The following UPF2 variants were observed in gnomAD, a reference collection of about 807,000 sequenced individuals.
The protein encoded by UPF2 is regulator of nonsense transcripts 2.
In UPF2, 17 loss-of-function variants were observed where a neutral mutation model predicts 141.4. The ratio of observed to expected loss-of-function variants is 0.12; its 90% CI spans 0.08 to 0.18. UPF2 has a LOEUF of 0.18. Among genes scored for constraint, UPF2 ranks in the 10% least tolerant of loss-of-function variants. UPF2 has a pLI of 1.00. For missense variants in UPF2, 1,152 were observed against 1,515.9 expected (o/e 0.76, Z 3.99); for synonymous variants, 540 against 498.0 (o/e 1.08, Z -1.12).
intron 4 of UPF2, among the ~76,000 whole-genome samples, chr10:12,010,989 A>AT (rs945713616): frequency 1.3e-5 from 2 of 151,866 alleles, no homozygotes; most frequent in African/African-American, 4.8e-5. Context: ...TGAAAAAAAA[A>AT]TTTTTTTTAA....
At chr10:11,985,920 T>C (rs1053472203) in intron 8 of UPF2, among the ~76,000 whole-genome samples, 3 of 92,598 alleles carry the variant, frequency 3.2e-5, no homozygotes, top group Non-Finnish European at 5.5e-5. Context: ...AATCTCGCTG[T>C]GTCGCCCAGG....
intron 9 of UPF2, among the ~76,000 whole-genome samples, chr10:11,970,645 C>G (rs1442009688): frequency 1.3e-5 from 2 of 151,924 alleles, no homozygotes; most frequent in East Asian, 1.9e-4. Flanking sequence ...AACCCTGTCT[C>G]TACTAAAAAT....
intron 3 of UPF2, among the ~76,000 whole-genome samples, chr10:12,024,951 A>C (rs1327352660): frequency 2.7e-5 from 4 of 150,340 alleles, no homozygotes; most frequent in African/African-American, 7.3e-5. Context: ...AAAAAAAAAA[A>C]AAAAAACACA....
At chr10:12,035,511 T>C in intron 1 of UPF2, 70 bp from the exon 2 acceptor site, 5 of 1,441,226 alleles carry the variant, frequency 3.5e-6, no homozygotes, top group Non-Finnish European at 4.5e-6. Context: ...ACTATTTTTT[T>C]AAACAGAACA....
chr10:11,948,369 CTCT>C lies in UPF2; in HGVS notation c.3171_3173del (p.Glu1059del), dbSNP rs1833031192. 4 of 1,576,516 alleles carry C rather than the reference CTCT, an allele frequency of 2.5e-6. No individual in the cohort carries two copies. Among genetic ancestry groups the C allele is most frequent in the Non-Finnish European group, 3.5e-6 (4 of 1,158,722 alleles). On this transcript the variant is annotated inframe_deletion and splice_region_variant, in exon 16 of 22. Transcript: ENST00000357604. The stretch of plus-strand genomic sequence containing the variant: ...TGTTGCTACATATAAAAGTCATCAC[CTCT>C]TCTTCTGGCTCATTTACTTCACTTT...
chr10:12,008,396 C>T (rs1298823115), intron 4 of UPF2, among the ~76,000 whole-genome samples: 1 of 151,816 alleles, frequency 6.6e-6, no homozygotes, highest in Non-Finnish European at 1.5e-5. Flanking sequence ...CTGGGGAGGC[C>T]GAGGTGGGCA....
In UPF2 at chr10:11,942,696, G is replaced by A. The variant is rs1832951126; in HGVS notation, c.3347C>T (p.Ala1116Val). 1 of 1,613,836 alleles carries A rather than the reference G, an allele frequency of 6.2e-7. No homozygotes were observed. Among genetic ancestry groups the A allele is most frequent in the Non-Finnish European group, 8.5e-7 (1 of 1,179,952 alleles). The change falls in exon 18 of 22, where the codon GCT becomes GTT. Residue 1116 changes from alanine to valine, a missense_variant. Coordinates refer to ENST00000357604, the MANE Select transcript of UPF2 (RefSeq NM_015542.4). ...PCVEDEDFIQ[A>V]LDKMMLENLQ... ...ATTTTCTAGCATCATTTTATCCAGA[G>A]CTTGAATGAAGTCCTCATCTTCTAC...
intron 8 of UPF2, among the ~76,000 whole-genome samples, chr10:11,991,963 T>C (rs1422910382): frequency 6.6e-6 from 1 of 152,088 alleles, no homozygotes; most frequent in Non-Finnish European, 1.5e-5. Context: ...CTGGCCAACA[T>C]GATGAAACCC....
At chr10:12,040,304 C>A (rs1039563195) in intron 1 of UPF2, among the ~76,000 whole-genome samples, 1 of 152,122 alleles carries the variant, frequency 6.6e-6, no homozygotes, top group Non-Finnish European at 1.5e-5. Flanking sequence ...CGCCTGTAGT[C>A]CCAGCTACTC....
chr10:11,943,258 A>G (rs1025600867), intron 16 of UPF2, 90 bp from the exon 17 acceptor site: 3 of 1,121,644 alleles, frequency 2.7e-6, no homozygotes, highest in Non-Finnish European at 3.9e-6. Flanking sequence ...ACTTCTGTAT[A>G]ATTGTTTATT....
At position 11,921,430 on chromosome 10, in the gene UPF2, C is replaced by A; in HGVS notation, c.3810-123G>T. ...TCCCCCAAGTTACAGGTGGCCCTGG[C>A]ATCTGCGGGTTCCACATCCATGGAC... On this transcript the variant is annotated intron_variant, in intron 21 of 21. Transcript: ENST00000357604. This position sits in a 1 kb window ranked among gnomAD's most constrained non-coding sequence, Gnocchi z 5.9. 2 of 1,204,618 alleles carry A rather than the reference C, an allele frequency of 1.7e-6. No individual in the cohort carries two copies. The highest frequency in any genetic ancestry group is 4.0e-5 in the Admixed American group (2 of 50,416). 74.6% of individuals were successfully genotyped at this position (1,204,618 alleles called of 1,614,324 possible).
At chr10:12,025,795 C>T (rs1348797533) in intron 3 of UPF2, among the ~76,000 whole-genome samples, 1 of 152,044 alleles carries the variant, frequency 6.6e-6, no homozygotes, top group Admixed American at 6.6e-5. Context: ...AAGATAAGCA[C>T]TATTCAGTTT....
chr10:11,921,607 T>C lies in UPF2; in HGVS notation c.3810-300A>G, dbSNP rs1470321923. On this transcript the variant is annotated intron_variant, in intron 21 of 21. Transcript: ENST00000357604. This position sits in a 1 kb window ranked among gnomAD's most constrained non-coding sequence, Gnocchi z 5.9. Reference sequence around the variant, plus strand: ...TGTAAAGTACACGGGAGGATGTGCATATGTTATACATAAATGCTACACCAT... The same window carrying C: ...TGTAAAGTACACGGGAGGATGTGCACATGTTATACATAAATGCTACACCAT... Among the ~76,000 whole-genome samples, 1 of 152,248 alleles carries C rather than the reference T, an allele frequency of 6.6e-6. No homozygotes were observed. Among genetic ancestry groups the C allele is most frequent in the East Asian group, 1.9e-4 (1 of 5,200 alleles).
rs984983044 is a variant in UPF2, at chr10:11,992,908, G to A, written c.1844+4764C>T. ...TCACACTTGTAATCCCAGCACTTTGGGAGGCCAAGGCGAGTGAATCACTTG... is the reference window on the plus strand; with the variant it reads ...TCACACTTGTAATCCCAGCACTTTGAGAGGCCAAGGCGAGTGAATCACTTG... On this transcript the variant is annotated intron_variant, in intron 8 of 21. Transcript: ENST00000357604. The surrounding 1 kb of genome is among the most constrained non-coding windows in gnomAD (Gnocchi z 4.1). 6.6e-6 allele frequency among the ~76,000 whole-genome samples: 1 copy of A among 152,154 alleles called. No individual in the cohort carries two copies. The highest frequency in any genetic ancestry group is 1.5e-5 in the Non-Finnish European group (1 of 68,016).
chr10:12,001,914 G>T, intron 5 of UPF2, 89 bp from the exon 6 acceptor site: 12 of 1,242,922 alleles, frequency 9.7e-6, no homozygotes, highest in Non-Finnish European at 1.2e-5. Flanking sequence ...AAAATCTGCA[G>T]GTTCTTTTAG....
intron 3 of UPF2, among the ~76,000 whole-genome samples, chr10:12,018,763 GAATA>G (rs1341666495): frequency 6.6e-6 from 1 of 151,770 alleles, no homozygotes; most frequent in Non-Finnish European, 1.5e-5. Context: ...AAAAATAAAT[GAATA>G]AATAAATAAA....
intron 16 of UPF2, among the ~76,000 whole-genome samples, chr10:11,948,082 T>C (rs930496345): frequency 1.3e-5 from 2 of 151,720 alleles, no homozygotes; most frequent in African/African-American, 4.8e-5. Context: ...ACCCCATCTC[T>C]ACTAAAAATA....
chr10:12,004,759 T>A, intron 4 of UPF2, 32 bp from the exon 5 acceptor site: 1 of 1,592,562 alleles, frequency 6.3e-7, no homozygotes, highest in East Asian at 2.2e-5. Flanking sequence ...GTAATTAACA[T>A]AACTTGAGGT....
intron 21 of UPF2, chr10:11,923,233 T>G (rs1320862414): frequency 6.6e-6 from 1 of 152,170 alleles, no homozygotes; most frequent in Non-Finnish European, 1.5e-5. Flanking sequence ...CAGAGAAGAC[T>G]AGCATGGCCC....
Sources: allele counts gnomAD v4.1 joint callset (sites outside exome capture counted in the v4.1 genomes callset), GRCh38; gene constraint gnomAD v4.1.1; non-coding constraint Gnocchi (gnomAD v3.1); transcripts MANE v1.5; gene names NCBI Gene and HGNC (gene_info 2026-07-23, HGNC 2026-07-21).